Variants in LRRC7 observed in about 807,000 individuals in gnomAD.
LRRC7 encodes leucine rich repeat containing 7, also known as leucine-rich repeat-containing protein 7.
Under a neutral mutation model 175.7 loss-of-function variants are expected in LRRC7, and 23 were observed. The ratio of observed to expected loss-of-function variants is 0.13; its 90% CI spans 0.09 to 0.19. The LOEUF is 0.19. Among genes scored for constraint, LRRC7 ranks in the 10% least tolerant of loss-of-function variants. LRRC7 has a pLI of 1.00. For synonymous variants in LRRC7, 685 were observed against 680.9 expected (o/e 1.01, Z -0.09); for missense variants, 1,354 against 1,904.7 (o/e 0.71, Z 5.38).
chr1:69,620,400 C>T, intron 1 of LRRC7, among the ~76,000 whole-genome samples: 1 of 151,950 alleles, frequency 6.6e-6, no homozygotes, highest in Non-Finnish European at 1.5e-5. Flanking sequence ...ATTCTAAGAC[C>T]AAAAAGTTTA....
At chr1:69,957,763 A>G (rs1247757713) in intron 8 of LRRC7, among the ~76,000 whole-genome samples, 1 of 151,948 alleles carries the variant, frequency 6.6e-6, no homozygotes, top group Non-Finnish European at 1.5e-5. Flanking sequence ...TGCAAGTTCT[A>G]CTTTAAAAGC....
chr1:69,621,957 C>G (rs1650685605), intron 1 of LRRC7, among the ~76,000 whole-genome samples: 1 of 152,166 alleles, frequency 6.6e-6, no homozygotes, highest in African/African-American at 2.4e-5. Context: ...TTTTCCTTCT[C>G]TGAACTTGAA....
At chr1:69,902,834 T>G (rs576118527) in intron 7 of LRRC7, among the ~76,000 whole-genome samples, 1 of 152,302 alleles carries the variant, frequency 6.6e-6, no homozygotes, top group African/African-American at 2.4e-5. Flanking sequence ...GATGCAAGAT[T>G]TGCTTTATGT....
intron 8 of LRRC7, among the ~76,000 whole-genome samples, chr1:69,942,740 A>T (rs1279168098): frequency 6.6e-6 from 1 of 152,056 alleles, no homozygotes; most frequent in African/African-American, 2.4e-5. Flanking sequence ...ATAATCCAGG[A>T]TAATCTCTCC....
At chr1:69,830,539 C>A (rs1205250191) in intron 5 of LRRC7, among the ~76,000 whole-genome samples, 2 of 151,618 alleles carry the variant, frequency 1.3e-5, no homozygotes. Context: ...TTTAAAAATT[C>A]CTTATCCCCA....
chr1:69,919,526 G>A, intron 7 of LRRC7: 1 of 804,022 alleles, frequency 1.2e-6, no homozygotes, highest in Non-Finnish European at 2.1e-6. Flanking sequence ...AGGGTCCGCC[G>A]CTCGCACCTG....
intron 1 of LRRC7, among the ~76,000 whole-genome samples, chr1:69,645,036 C>A (rs1290319373): frequency 6.6e-6 from 1 of 151,992 alleles, no homozygotes; most frequent in Non-Finnish European, 1.5e-5. Flanking sequence ...AATCGAGTGC[C>A]TTCTTCAAGA....
intron 15 of LRRC7, among the ~76,000 whole-genome samples, chr1:70,019,905 T>C (rs1657306273): frequency 6.6e-6 from 1 of 152,000 alleles, no homozygotes. Context: ...TATCAAAATA[T>C]TTAACTTCAA....
rs144671930 is a variant in LRRC7 at position 69,775,480 on chromosome 1, G to T, written c.303+15087G>T. On this transcript the variant is annotated intron_variant, in intron 3 of 26. Coordinates refer to ENST00000651989, the MANE Select transcript of LRRC7 (RefSeq NM_001370785.2). ...CCTCTCTGATTTAGAACCACTTTGA[G>T]ATCCAATTCTTGACCAGGCACTCTT... 1.4e-3 allele frequency among the ~76,000 whole-genome samples: 207 copies of T among 152,294 alleles called. 1 individual carries two copies. Among genetic ancestry groups the T allele is most frequent in the African/African-American group, 4.8e-3 (201 of 41,568 alleles).
intron 1 of LRRC7, among the ~76,000 whole-genome samples, chr1:69,583,877 A>G (rs1256961003): frequency 6.6e-6 from 1 of 152,128 alleles, no homozygotes; most frequent in Admixed American, 6.6e-5. Context: ...CATCACACCA[A>G]TTATCAGTAT....
intron 2 of LRRC7, among the ~76,000 whole-genome samples, chr1:69,715,952 T>C (rs1472381659): frequency 2.6e-5 from 4 of 151,958 alleles, no homozygotes; most frequent in Non-Finnish European, 5.9e-5. Flanking sequence ...TGGATTTATA[T>C]ACCCACAGCT....
intron 2 of LRRC7, among the ~76,000 whole-genome samples, chr1:69,747,555 G>C (rs1373112091): frequency 6.6e-6 from 1 of 152,082 alleles, no homozygotes; most frequent in Admixed American, 6.6e-5. Flanking sequence ...TCCACCAGCA[G>C]GACCCCATTA....
At chr1:70,104,646 A>G (rs141545973) in intron 25 of LRRC7, among the ~76,000 whole-genome samples, 141 of 152,308 alleles carry the variant, frequency 9.3e-4, no homozygotes, top group African/African-American at 3.3e-3. Flanking sequence ...ACTTTCAGAA[A>G]AAAGCAATAC....
intron 7 of LRRC7, among the ~76,000 whole-genome samples, chr1:69,922,300 A>AT (rs1019353127): frequency 1.1e-4 from 16 of 141,840 alleles, no homozygotes; most frequent in African/African-American, 4.1e-4. Context: ...CCTCTTTGAC[A>AT]TTTTCTCCTG....
chr1:70,097,171 C>T (rs1294561945), intron 25 of LRRC7, among the ~76,000 whole-genome samples: 1 of 152,092 alleles, frequency 6.6e-6, no homozygotes, highest in Non-Finnish European at 1.5e-5. Context: ...TCTACACCAC[C>T]TATGCACAGC....
intron 19 of LRRC7, 24 bp from the exon 20 acceptor site, chr1:70,036,420 A>G: frequency 6.3e-7 from 1 of 1,591,732 alleles, no homozygotes; most frequent in Non-Finnish European, 8.6e-7. Context: ...ATAGCATTAT[A>G]ACATTTTCCC....
chr1:70,096,100 C>G (rs1463833889), intron 25 of LRRC7, among the ~76,000 whole-genome samples: 8 of 152,058 alleles, frequency 5.3e-5, no homozygotes, highest in Admixed American at 4.6e-4. Context: ...GCCTCCGCCT[C>G]CCGAGTAGCT....
Position 70,039,807 on chromosome 1 carries a change from TTCTC to T in LRRC7, c.3969+16_3969+19del. 6.4e-7 allele frequency: 1 copy of T among 1,553,892 alleles called. No homozygotes were observed. Among genetic ancestry groups the T allele is most frequent in the Non-Finnish European group, 8.7e-7 (1 of 1,154,474 alleles). ...CGGTTAGACAGGGTATGTCTGGTGT[TTCTC>T]TGTAAGAATATCCCTCCTGCCTTTA... is the stretch of plus-strand genomic sequence containing the variant. On this transcript the variant is annotated intron_variant, in intron 21 of 26. Coordinates refer to ENST00000651989, the MANE Select transcript of LRRC7 (RefSeq NM_001370785.2).
At chr1:69,989,907 A>G (rs1654275569) in intron 10 of LRRC7, among the ~76,000 whole-genome samples, 3 of 152,144 alleles carry the variant, frequency 2.0e-5, no homozygotes, top group African/African-American at 4.8e-5. Context: ...GCTTATCTAC[A>G]TAATAATAAT....
Sources: gnomAD v4.1 joint callset for allele counts (sites outside exome capture counted in the v4.1 genomes callset) on GRCh38, gnomAD v4.1.1 for gene constraint, MANE v1.5 for transcripts, NCBI Gene and HGNC (gene_info 2026-07-23, HGNC 2026-07-21) for gene names.